TRMT13: variants seen among roughly 807,000 people sequenced by gnomAD.
TRMT13 encodes the protein tRNA:m(4)X modification enzyme TRM13 homolog.
In TRMT13, 45 loss-of-function variants were observed where a neutral mutation model predicts 55.9. That is an observed-to-expected ratio of 0.80 (90% CI 0.63 to 1.03). The LOEUF is 1.03. Among genes scored for constraint, TRMT13 ranks in the 50% least tolerant of loss-of-function variants. TRMT13 has a pLI of 0.00. For missense variants in TRMT13, 513 were observed against 563.9 expected, an observed-to-expected ratio of 0.91 and a Z score of 0.91; for synonymous variants, 183 against 196.3, an observed-to-expected ratio of 0.93 and a Z score of 0.57.
At chr1:100,148,520 C>T (rs1570753852) in intron 10 of TRMT13, 105 bp from the exon 11 acceptor site, 9 of 1,140,992 alleles carry the variant, frequency 7.9e-6, no homozygotes, top group African/African-American at 6.4e-5. Flanking sequence ...GTACTTAGTA[C>T]ATTATGGGTT....
chr1:100,137,007 C>T lies in TRMT13; in HGVS notation c.195-12C>T, dbSNP rs1290190469. ...CAAGTCTCATTTGAAATAATTTTCT[C>T]TTTAAATTTAGCACAGTATATGAAG... On this transcript the variant is annotated splice_polypyrimidine_tract_variant and intron_variant, in intron 2 of 10. Transcript: ENST00000370141. The T allele has an allele frequency of 1.2e-6, 2 of 1,603,870 alleles. No individual in the cohort carries two copies. Among genetic ancestry groups the T allele is most frequent in the Admixed American group, 3.5e-5 (2 of 57,634 alleles).
rs1429983671 is a variant in TRMT13, at chr1:100,147,879, T to TA, written c.818-13dup. On this transcript the variant is annotated splice_polypyrimidine_tract_variant and intron_variant, in intron 9 of 10. Transcript: ENST00000370141. The stretch of plus-strand genomic sequence containing the variant: ...GATGATGTGGTTTGGGGGGGCCACA[T>TA]AATTGTGTTTGCAGATCTTGCATTA... The TA allele has an allele frequency of 6.3e-7, 1 of 1,575,072 alleles. No individual in the cohort carries two copies. The highest frequency in any genetic ancestry group is 1.2e-5 in the South Asian group (1 of 84,440).
chr1:100,142,402 G>A (rs1175364804), intron 7 of TRMT13, among the ~76,000 whole-genome samples: 2 of 152,186 alleles, frequency 1.3e-5, no homozygotes, highest in Non-Finnish European at 2.9e-5. Context: ...AAAGAGGCCA[G>A]AGCTAAAGCT....
intron 9 of TRMT13, among the ~76,000 whole-genome samples, chr1:100,145,969 T>A (rs1468642471): frequency 6.6e-6 from 1 of 152,230 alleles, no homozygotes; most frequent in African/African-American, 2.4e-5. Flanking sequence ...CTCTTTGACA[T>A]AACGTTTTAG....
chr1:100,138,936 C>G (rs1656255620), intron 3 of TRMT13, among the ~76,000 whole-genome samples: 1 of 152,128 alleles, frequency 6.6e-6, no homozygotes, highest in Non-Finnish European at 1.5e-5. Flanking sequence ...TGAAGCCAGA[C>G]TAGAAAGATT....
rs551924148 is a variant in TRMT13, at chr1:100,134,119, T to C, written c.147+804T>C. Among the ~76,000 whole-genome samples the C allele has an allele frequency of 2.6e-5, 4 of 152,204 alleles. No individual in the cohort carries two copies. In the South Asian group the frequency reaches 8.3e-4, roughly 32 times the overall value. On this transcript the variant is annotated intron_variant, in intron 1 of 10. Transcript: ENST00000370141. Reference sequence around the variant, plus strand: ...GACTTACAGTTTTTAAGAATGCAACTTTGCTGGAATGGGAAGGAAAGATTT... The same window carrying C: ...GACTTACAGTTTTTAAGAATGCAACCTTGCTGGAATGGGAAGGAAAGATTT...
intron 8 of TRMT13, among the ~76,000 whole-genome samples, chr1:100,143,806 A>G (rs958033436): frequency 2.0e-5 from 3 of 152,136 alleles, no homozygotes; most frequent in Non-Finnish European, 4.4e-5. Flanking sequence ...CCATTCACCA[A>G]TTTTAATCCA....
intron 7 of TRMT13, 84 bp downstream of exon 7, chr1:100,141,103 TAAAAG>T (rs1656568947): frequency 4.0e-6 from 5 of 1,262,106 alleles, no homozygotes; most frequent in Non-Finnish European, 5.4e-6. Context: ...AAACATTTCT[TAAAAG>T]AAAGGAAAGG....
chr1:100,134,869 TGAC>T (rs1297933710), intron 1 of TRMT13, among the ~76,000 whole-genome samples: 1 of 152,242 alleles, frequency 6.6e-6, no homozygotes, highest in Non-Finnish European at 1.5e-5. Context: ...ACACTTTTAT[TGAC>T]TACTATCTCG....
In TRMT13 at chr1:100,140,237, G is replaced by T. The variant is rs757942895; in HGVS notation, c.380G>T (p.Arg127Ile). ...TTGGAAAAGTTAATTAAGAAATTGA[G>T]AAAAGCAAGTGAAGGTAAGACTGCC... The part of the protein sequence containing the change: ...EQLEKLIKKL[R>I]KASEGLNSTL... The change falls in exon 5 of 11, where the codon AGA (arginine) becomes ATA (isoleucine). Residue 127 changes from arginine to isoleucine, a missense_variant. Arg to Ile is a moderately conservative substitution (Grantham distance 97, BLOSUM62 -3). Around this residue, in one of 3 missense-constraint regions of TRMT13, gnomAD observed 298 missense variants for 290.3 expected, o/e 1.03. Coordinates refer to ENST00000370141, the MANE Select transcript of TRMT13 (RefSeq NM_019083.3). 1.9e-6 allele frequency: 3 copies of T among 1,612,898 alleles called. No individual in the cohort carries two copies. The African/African-American group carries it at 4.0e-5, about 22-fold the overall frequency.
chr1:100,143,069 C>CT, intron 7 of TRMT13, 68 bp from the exon 8 acceptor site: 1 of 1,072,144 alleles, frequency 9.3e-7, no homozygotes, highest in Non-Finnish European at 1.4e-6. Context: ...CAATAAAAAT[C>CT]TTTTTATTTT....
At chr1:100,138,815 C>T (rs1405491990) in intron 3 of TRMT13, among the ~76,000 whole-genome samples, 1 of 152,180 alleles carries the variant, frequency 6.6e-6, no homozygotes, top group Non-Finnish European at 1.5e-5. Context: ...TCACACTAGT[C>T]ATATTTCAGT....
At position 100,147,995 on chromosome 1, in the gene TRMT13, G is replaced by T. The variant is rs754497167; in HGVS notation, c.919G>T (p.Glu307Ter). The change falls in exon 10 of 11, where the codon GAA becomes TAA. Residue 307 changes from glutamate to a stop codon, truncating the protein, a stop_gained. Coordinates refer to ENST00000370141, the MANE Select transcript of TRMT13 (RefSeq NM_019083.3). LOFTEE classifies it high-confidence loss of function. ...KRIKNDKTEKEIYTLAKEGNE... is the reference protein window; with the variant it reads ...KRIKNDKTEK ...CATAAAGAATGATAAAACAGAAAAA[G>T]AAATTTACACTTTGGCCAAGGAAGG... The T allele has an allele frequency of 9.9e-6, 16 of 1,614,090 alleles. No homozygotes were observed. In the South Asian group the frequency reaches 1.8e-4, roughly 18 times the overall value.
In TRMT13 at chr1:100,148,227, A is replaced by G; in HGVS notation, c.1151A>G (p.Asn384Ser). The G allele has an allele frequency of 1.9e-6, 3 of 1,614,192 alleles. No homozygotes were observed. The highest frequency in any genetic ancestry group is 2.5e-6 in the Non-Finnish European group (3 of 1,180,014). The change falls in exon 10 of 11, where the codon AAT becomes AGT. Residue 384 changes from asparagine (N) to serine (S), a missense_variant. Transcript: ENST00000370141. ...GMRKTSLETS[N>S]STTKRQDNQN... ...CGGAAAACATCTTTGGAAACCTCAA[A>G]TAGTACCACAAAGAGGCAAGATAAT...
Position 100,140,403 on chromosome 1 carries a change from C to T in TRMT13, c.395-5C>T, listed in dbSNP as rs765799603. On this transcript the variant is annotated splice_polypyrimidine_tract_variant and splice_region_variant and intron_variant, in intron 5 of 10. Transcript: ENST00000370141. ...CTTAAGCTGTTGTGCTTATATTTGG[C>T]ACAGGCTTGAATTCTACACTTAAAG... is the stretch of plus-strand genomic sequence containing the variant. 6.2e-6 allele frequency: 10 copies of T among 1,610,816 alleles called. No homozygotes were observed. The Admixed American group carries it at 1.7e-4, about 27-fold the overall frequency.
intron 1 of TRMT13, among the ~76,000 whole-genome samples, chr1:100,134,230 A>G (rs1290708628): frequency 2.6e-5 from 4 of 152,160 alleles, no homozygotes; most frequent in East Asian, 1.9e-4. Flanking sequence ...GTACTATCAA[A>G]CACTTTATAT....
intron 9 of TRMT13, among the ~76,000 whole-genome samples, chr1:100,146,553 T>C (rs1266147346): frequency 6.6e-6 from 1 of 152,164 alleles, no homozygotes; most frequent in African/African-American, 2.4e-5. Context: ...TCGCCCAGAC[T>C]GGAGTGCAGT....
In TRMT13 at chr1:100,133,182, C is replaced by T. The variant is rs147164592; in HGVS notation, c.14C>T (p.Ala5Val). MATSATSPHAPGFPA... is the reference protein window; with the variant it reads MATSVTSPHAPGFPA... ...AGCCCTAGAATTATGGCGACCTCCG[C>T]GACGTCGCCGCACGCGCCTGGTTTT... Residue 5 changes from alanine (A) to valine (V), a missense_variant, in exon 1 of 11, where the codon GCG (alanine) becomes GTG (valine). By Grantham distance (64) the Ala-to-Val change is moderately conservative. Coordinates refer to ENST00000370141, the MANE Select transcript of TRMT13 (RefSeq NM_019083.3). The T allele has an allele frequency of 3.4e-4, 552 of 1,614,030 alleles. No individual in the cohort carries two copies. Among genetic ancestry groups the T allele is most frequent in the Non-Finnish European group, 4.2e-4 (495 of 1,180,010 alleles).
rs1557909288 is a variant in TRMT13, at chr1:100,140,429, A to T, written c.416A>T (p.Asp139Val). 6.2e-7 allele frequency: 1 copy of T among 1,613,706 alleles called. No individual in the cohort carries two copies. Among genetic ancestry groups the T allele is most frequent in the Non-Finnish European group, 8.5e-7 (1 of 1,179,854 alleles). ...ASEGLNSTLK[D>V]HIMSHPALHD... ...ACAGGCTTGAATTCTACACTTAAAG[A>T]TCATATTATGTCCCATCCAGCATTA... Residue 139 changes from aspartate (D) to valine (V), a missense_variant, in exon 6 of 11, where the codon GAT becomes GTT. Physicochemically the swap from Asp to Val is radical, Grantham distance 152. Around this residue, in one of 3 missense-constraint regions of TRMT13, gnomAD observed 298 missense variants for 290.3 expected, o/e 1.03. Coordinates refer to ENST00000370141, the MANE Select transcript of TRMT13 (RefSeq NM_019083.3).
Sources: allele counts gnomAD v4.1 joint callset (sites outside exome capture counted in the v4.1 genomes callset), GRCh38; gene constraint gnomAD v4.1.1; regional missense constraint gnomAD v4.1.1; transcripts MANE v1.5; gene names NCBI Gene and HGNC (gene_info 2026-07-23, HGNC 2026-07-21).